The following GPD2 variants were observed in gnomAD, a reference collection of about 807,000 sequenced individuals.
GPD2 encodes glycerol-3-phosphate dehydrogenase 2.
Under a neutral mutation model 82.4 loss-of-function variants are expected in GPD2, and 54 were observed. That is an observed-to-expected ratio of 0.66 (90% CI 0.53 to 0.82). The LOEUF is 0.82. GPD2 is among the 40% of genes least tolerant of loss of function. GPD2 has a pLI of 0.00. For missense variants in GPD2, 748 were observed against 896.2 expected (o/e 0.83, Z 2.11); for synonymous variants, 288 against 306.1 (o/e 0.94, Z 0.62).
intron 1 of GPD2, among the ~76,000 whole-genome samples, chr2:156,445,099 TGG>T (rs1682323552): frequency 6.6e-6 from 1 of 152,194 alleles, no homozygotes; most frequent in Non-Finnish European, 1.5e-5. Flanking sequence ...TAACCTAACG[TGG>T]TCTTTTTCTT....
chr2:156,418,446 A>G, the GPD2 span, among the ~76,000 whole-genome samples: 5 of 152,146 alleles, frequency 3.3e-5, no homozygotes, highest in East Asian at 9.6e-4. Flanking sequence ...AATAAAAAAA[A>G]GGACCAAAAA....
intron 6 of GPD2, among the ~76,000 whole-genome samples, chr2:156,527,324 A>G (rs1170394178): frequency 6.6e-6 from 1 of 152,062 alleles, no homozygotes; most frequent in Non-Finnish European, 1.5e-5. Flanking sequence ...CTTGGTGTAG[A>G]TTATATTCTC....
At chr2:156,551,487 G>A (rs959595236) in intron 8 of GPD2, among the ~76,000 whole-genome samples, 2 of 152,184 alleles carry the variant, frequency 1.3e-5, no homozygotes, top group African/African-American at 4.8e-5. Flanking sequence ...GTATGGCCAT[G>A]CTAAGGGTGT....
chr2:156,494,297 C>T (rs1022183217), intron 2 of GPD2, among the ~76,000 whole-genome samples: 3 of 152,146 alleles, frequency 2.0e-5, no homozygotes, highest in African/African-American at 7.2e-5. Flanking sequence ...TTGTCATTTA[C>T]CAGTGACTTT....
chr2:156,497,276 G>A (rs1380458797), intron 3 of GPD2, among the ~76,000 whole-genome samples: 1 of 152,156 alleles, frequency 6.6e-6, no homozygotes, highest in Non-Finnish European at 1.5e-5. Flanking sequence ...TAATCATGAA[G>A]AGACTTAGAA....
At chr2:156,403,950 G>A in the GPD2 span, among the ~76,000 whole-genome samples, 1 of 152,122 alleles carries the variant, frequency 6.6e-6, no homozygotes, top group South Asian at 2.1e-4. Context: ...TGTATAGTTT[G>A]GGTTGTCCAG....
chr2:156,461,928 A>G (rs1683003471), intron 1 of GPD2, among the ~76,000 whole-genome samples: 1 of 152,136 alleles, frequency 6.6e-6, no homozygotes, highest in South Asian at 2.1e-4. Context: ...TAGGTCCTTC[A>G]CGGATACTTT....
At chr2:156,538,678 G>A (rs1345665532) in intron 6 of GPD2, among the ~76,000 whole-genome samples, 1 of 151,732 alleles carries the variant, frequency 6.6e-6, no homozygotes, top group Non-Finnish European at 1.5e-5. Flanking sequence ...AAAATTAGCT[G>A]GGCATGGTGG....
chr2:156,540,140 T>A (rs1010670166), intron 6 of GPD2, among the ~76,000 whole-genome samples: 1 of 152,170 alleles, frequency 6.6e-6, no homozygotes, highest in Non-Finnish European at 1.5e-5. Context: ...AAATATGATT[T>A]GTAGCAACCA....
At chr2:156,505,839 C>T (rs1290915953) in intron 3 of GPD2, among the ~76,000 whole-genome samples, 1 of 152,182 alleles carries the variant, frequency 6.6e-6, no homozygotes, top group Non-Finnish European at 1.5e-5. Context: ...CTTTTCACTT[C>T]CTTGCTTTAT....
intron 13 of GPD2, among the ~76,000 whole-genome samples, chr2:156,575,402 C>CT (rs35297244): frequency 1.2e-4 from 11 of 91,152 alleles, no homozygotes; most frequent in East Asian, 3.0e-4. Context: ...CTTTTCTTTT[C>CT]TTTTTTTTTT....
intron 2 of GPD2, among the ~76,000 whole-genome samples, chr2:156,486,752 T>C (rs974730004): frequency 4.6e-5 from 7 of 152,234 alleles, no homozygotes; most frequent in Non-Finnish European, 1.0e-4. Context: ...AATTGTACAA[T>C]AGTGAGTACC....
chr2:156,483,852 T>A lies in GPD2; in HGVS notation c.102+7645T>A, dbSNP rs1432395510. Among the ~76,000 whole-genome samples the A allele has an allele frequency of 2.0e-5, 3 of 152,210 alleles. No homozygotes were observed. The East Asian group carries it at 5.8e-4, about 29-fold the overall frequency. On this transcript the variant is annotated intron_variant, in intron 2 of 16. Coordinates refer to ENST00000438166, the MANE Select transcript of GPD2 (RefSeq NM_000408.5). ...GAACACCCTTAACATTTTCGATCAT[T>A]TAACCTCAATTAGAAACATTCTTCA...
chr2:156,508,746 G>A (rs981875270), intron 3 of GPD2, among the ~76,000 whole-genome samples: 1 of 152,156 alleles, frequency 6.6e-6, no homozygotes, highest in African/African-American at 2.4e-5. Context: ...GTCTATTTTA[G>A]TGCTAGAAGA....
chr2:156,414,178 A>G, the GPD2 span, among the ~76,000 whole-genome samples: 1 of 152,354 alleles, frequency 6.6e-6, no homozygotes, highest in Non-Finnish European at 1.5e-5. Flanking sequence ...CCATTTAAAA[A>G]TTGGAATATA....
chr2:156,449,917 A>G (rs1168863835), intron 1 of GPD2, among the ~76,000 whole-genome samples: 1 of 151,128 alleles, frequency 6.6e-6, no homozygotes, highest in East Asian at 2.0e-4. Flanking sequence ...AGGGAGGCTG[A>G]GGCAGGAGCC....
intron 2 of GPD2, among the ~76,000 whole-genome samples, chr2:156,485,977 T>C (rs1683924174): frequency 6.6e-6 from 1 of 152,232 alleles, no homozygotes; most frequent in Non-Finnish European, 1.5e-5. Context: ...CATGGATTCC[T>C]GGAAGAACTG....
intron 2 of GPD2, among the ~76,000 whole-genome samples, chr2:156,478,470 A>C (rs1194520414): frequency 6.6e-6 from 1 of 150,882 alleles, no homozygotes; most frequent in Non-Finnish European, 1.5e-5. Flanking sequence ...TTTGGGGGGT[A>C]GCAGGTGCGA....
chr2:156,504,034 A>G (rs1247266553), intron 3 of GPD2, among the ~76,000 whole-genome samples: 1 of 152,196 alleles, frequency 6.6e-6, no homozygotes, highest in Non-Finnish European at 1.5e-5. Flanking sequence ...CTTAACAAAC[A>G]TTAAAGTATG....
Sources: gnomAD v4.1 joint callset for allele counts (sites outside exome capture counted in the v4.1 genomes callset) on GRCh38, gnomAD v4.1.1 for gene constraint, MANE v1.5 for transcripts, NCBI Gene and HGNC (gene_info 2026-07-23, HGNC 2026-07-21) for gene names.